The following PSD2 variants were observed in gnomAD, a reference collection of about 807,000 sequenced individuals.
PSD2 encodes the protein PH and SEC7 domain-containing protein 2.
Under a neutral mutation model 69.8 loss-of-function variants are expected in PSD2, and 38 were observed. The ratio of observed to expected loss-of-function variants is 0.54; its 90% CI spans 0.42 to 0.71. The LOEUF (loss-of-function observed/expected upper bound fraction) is 0.71. Ranked by LOEUF, PSD2 falls within the 30% of genes least tolerant of loss-of-function variation. The pLI, the probability that PSD2 is intolerant of heterozygous loss-of-function variation, is 0.00. For synonymous variants in PSD2, 412 were observed against 423.0 expected (o/e 0.97, Z 0.32); for missense variants, 943 against 1,014.5 (o/e 0.93, Z 0.96).
At chr5:139,835,084 A>C (rs750660107) in intron 8 of PSD2, among the ~76,000 whole-genome samples, 2 of 149,856 alleles carry the variant, frequency 1.3e-5, no homozygotes, top group East Asian at 2.0e-4. Flanking sequence ...ACATCTACTC[A>C]CCCATCCCCC....
At chr5:139,759,964 C>G in the PSD2 span, among the ~76,000 whole-genome samples, 17 of 152,226 alleles carry the variant, frequency 1.1e-4, 1 homozygote, top group Admixed American at 1.0e-3. Context: ...AAAGGCCAGG[C>G]CTTGCCCAAG....
chr5:139,783,916 C>T, the PSD2 span, among the ~76,000 whole-genome samples: 1 of 141,426 alleles, frequency 7.1e-6, no homozygotes, highest in African/African-American at 2.7e-5. Flanking sequence ...TTGTTTCTCC[C>T]CTTTCCCCTT....
chr5:139,768,582 G>A, the PSD2 span, among the ~76,000 whole-genome samples: 1 of 152,122 alleles, frequency 6.6e-6, no homozygotes, highest in East Asian at 1.9e-4. Context: ...AATTAGCTGG[G>A]CTTGGTGGCG....
the PSD2 span, among the ~76,000 whole-genome samples, chr5:139,746,534 G>A: frequency 6.6e-6 from 1 of 152,154 alleles, no homozygotes; most frequent in African/African-American, 2.4e-5. This position sits in a 1 kb window ranked among gnomAD's most constrained non-coding sequence, Gnocchi z 4.5. Flanking sequence ...GGCCCCGGGG[G>A]TGTTATTCTG....
At chr5:139,834,170 A>T (rs974070354) in intron 8 of PSD2, among the ~76,000 whole-genome samples, 1 of 152,154 alleles carries the variant, frequency 6.6e-6, no homozygotes, top group Non-Finnish European at 1.5e-5. Flanking sequence ...AATTAAGAGA[A>T]TCCAGTTTTC....
chr5:139,786,618 C>T, the PSD2 span, among the ~76,000 whole-genome samples: 6 of 152,100 alleles, frequency 3.9e-5, no homozygotes, highest in African/African-American at 1.2e-4. Flanking sequence ...CCAGGCTTCA[C>T]TTCAAAGGGG....
chr5:139,833,868 A>T, intron 8 of PSD2, 77 bp downstream of exon 8: 1 of 1,102,014 alleles, frequency 9.1e-7, no homozygotes, highest in East Asian at 2.4e-5. Flanking sequence ...GTGCCTCGTG[A>T]AATCCTGGCA....
In PSD2 at chr5:139,837,919, C is replaced by T. The variant is rs1760777186; in HGVS notation, c.1823+137C>T. The T allele has an allele frequency of 3.6e-6, 3 of 829,548 alleles. No homozygotes were observed. The highest frequency in any genetic ancestry group is 5.5e-6 in the Non-Finnish European group (3 of 542,038). The allele number at this position is 829,548 out of a possible 1,614,324, so 51.4% of individuals were successfully genotyped here. On this transcript the variant is annotated intron_variant, in intron 12 of 14. Coordinates refer to ENST00000274710, the MANE Select transcript of PSD2 (RefSeq NM_032289.4). The surrounding 1 kb of genome is among the most constrained non-coding windows in gnomAD (Gnocchi z 5.0). ...GACACAGACCGACAGCTGGGTCCCTCCAAAGCAGTGGTTCCCAATGTGTGG... is the reference window on the plus strand; with the variant it reads ...GACACAGACCGACAGCTGGGTCCCTTCAAAGCAGTGGTTCCCAATGTGTGG...
the PSD2 span, chr5:139,772,917 A>G: frequency 6.6e-6 from 1 of 152,312 alleles, no homozygotes; most frequent in South Asian, 2.1e-4. Flanking sequence ...GTGACTAGCA[A>G]CACACAGTAG....
chr5:139,751,521 T>C, the PSD2 span, among the ~76,000 whole-genome samples: 1 of 152,208 alleles, frequency 6.6e-6, no homozygotes, highest in East Asian at 1.9e-4. Context: ...CAGTAATGAA[T>C]GTGGCAAGAC....
intron 7 of PSD2, among the ~76,000 whole-genome samples, chr5:139,823,583 C>T (rs780086653): frequency 3.9e-5 from 6 of 152,112 alleles, no homozygotes; most frequent in Non-Finnish European, 8.8e-5. Flanking sequence ...CTTGCCTCCA[C>T]GTGGTAGCTG....
At chr5:139,753,205 C>T in the PSD2 span, among the ~76,000 whole-genome samples, 1 of 152,328 alleles carries the variant, frequency 6.6e-6, no homozygotes, top group Admixed American at 6.5e-5. Flanking sequence ...GCTTCCTGAG[C>T]TGCAGCGCGA....
At chr5:139,760,616 G>T in the PSD2 span, among the ~76,000 whole-genome samples, 2 of 152,162 alleles carry the variant, frequency 1.3e-5, no homozygotes, top group African/African-American at 4.8e-5. Context: ...GCTGATTCTG[G>T]CTCACTGAGC....
In PSD2 at chr5:139,813,608, G is replaced by A. The variant is rs762173979; in HGVS notation, c.671G>A (p.Arg224His). ...GGGGAGCTGGGCAGCCCCCTGCGGC[G>A]CTCCATCTCCAGCAGCCGCTCTGAG... ...GDGELGSPLR[R>H]SISSSRSENV... The change falls in exon 3 of 15, where the codon CGC (arginine) becomes CAC (histidine). Residue 224 changes from arginine to histidine, a missense_variant. Transcript: ENST00000274710. 111 of 1,613,736 alleles carry A rather than the reference G, an allele frequency of 6.9e-5. No individual in the cohort carries two copies. The highest frequency in any genetic ancestry group is 3.0e-4 in the South Asian group (27 of 91,068).
chr5:139,782,712 C>T, the PSD2 span, among the ~76,000 whole-genome samples: 3 of 151,894 alleles, frequency 2.0e-5, no homozygotes, highest in Non-Finnish European at 2.9e-5. Flanking sequence ...AGGCTGGTCT[C>T]GAACTCCTGA....
Position 139,842,652 on chromosome 5 carries a change from G to A in PSD2, c.*178G>A, listed in dbSNP as rs113356987. The stretch of plus-strand genomic sequence containing the variant: ...CCGTTTGTGGCGTTGATCTCCTTGC[G>A]TCCTTGGGCATCTCCGGGCATCAGA... On this transcript the variant is annotated 3_prime_UTR_variant, in exon 15 of 15. Transcript: ENST00000274710. The A allele has an allele frequency of 1.3e-3, 760 of 606,430 alleles. 5 individuals carry two copies. The highest frequency in any genetic ancestry group is 0.011 in the African/African-American group (622 of 54,168). 37.6% of individuals were successfully genotyped at this position (606,430 alleles called of 1,614,324 possible). A position where few individuals can be genotyped will look rare whatever the true frequency, so the allele number is the denominator to read the frequency against.
rs748175666 is a variant in PSD2, at chr5:139,809,562, G to A, written c.122G>A (p.Ser41Asn). 2 of 1,614,018 alleles carry A rather than the reference G, an allele frequency of 1.2e-6. No homozygotes were observed. Among genetic ancestry groups the A allele is most frequent in the Non-Finnish European group, 1.7e-6 (2 of 1,179,904 alleles). Residue 41 changes from serine (S) to asparagine (N), a missense_variant, in exon 2 of 15, where the codon AGC becomes AAC. By Grantham distance (46) the Ser-to-Asn change is conservative. Transcript: ENST00000274710. Reference sequence around the variant, plus strand: ...GGGATGGCCAGTGAGGGCCTGAACAGCAGCCTCTGCAGCCCAGGGCACGAG... The same window carrying A: ...GGGATGGCCAGTGAGGGCCTGAACAACAGCCTCTGCAGCCCAGGGCACGAG... ...RNGMASEGLN[S>N]SLCSPGHERR... is the part of the protein sequence containing the mutation.
chr5:139,771,523 C>T, the PSD2 span, among the ~76,000 whole-genome samples: 4 of 152,100 alleles, frequency 2.6e-5, no homozygotes, highest in African/African-American at 4.8e-5. Flanking sequence ...GGACTACAGG[C>T]GCCCGCCACC....
the PSD2 span, among the ~76,000 whole-genome samples, chr5:139,759,205 G>A: frequency 6.6e-6 from 1 of 152,152 alleles, no homozygotes; most frequent in African/African-American, 2.4e-5. Flanking sequence ...CTGGGTGCCT[G>A]TGTGTGTTGG....
Sources: allele counts gnomAD v4.1 joint callset (sites outside exome capture counted in the v4.1 genomes callset), GRCh38; gene constraint gnomAD v4.1.1; non-coding constraint Gnocchi (gnomAD v3.1); transcripts MANE v1.5; gene names NCBI Gene and HGNC (gene_info 2026-07-23, HGNC 2026-07-21).